Variants in PSD3 observed in about 807,000 individuals in gnomAD.
PSD3 encodes the protein PH and SEC7 domain-containing protein 3.
In PSD3, 49 loss-of-function variants were observed where a neutral mutation model predicts 105.5. The ratio of observed to expected loss-of-function variants is 0.46; its 90% CI spans 0.37 to 0.59. PSD3 has a LOEUF of 0.59. Among genes scored for constraint, PSD3 ranks in the 20% least tolerant of loss-of-function variants. The pLI is 0.00. For synonymous variants in PSD3, 557 were observed against 457.8 expected (o/e 1.22, Z -2.77); for missense variants, 1,561 against 1,263.8 (o/e 1.24, Z -3.57).
intron 4 of PSD3, among the ~76,000 whole-genome samples, chr8:18,844,762 G>A (rs1217471302): frequency 6.6e-6 from 1 of 152,198 alleles, no homozygotes; most frequent in Non-Finnish European, 1.5e-5. Flanking sequence ...TGTTCACTTA[G>A]CAGGGCTCCT....
intron 15 of PSD3, 24 bp from the exon 16 acceptor site, chr8:18,535,982 C>A (rs371743651): frequency 1.3e-4 from 216 of 1,601,212 alleles, no homozygotes; most frequent in Admixed American, 6.7e-5. Flanking sequence ...CAGAGAACAA[C>A]GGTAGTCAGA....
intron 10 of PSD3, among the ~76,000 whole-genome samples, chr8:18,642,127 A>T (rs962157599): frequency 6.6e-6 from 1 of 152,154 alleles, no homozygotes; most frequent in African/African-American, 2.4e-5. Flanking sequence ...TTTCTAAATA[A>T]AGGATCTGAC....
upstream of PSD3, among the ~76,000 whole-genome samples, chr8:19,017,204 C>A (rs1483094330): frequency 6.6e-6 from 1 of 151,914 alleles, no homozygotes; most frequent in Non-Finnish European, 1.5e-5. Context: ...AGGCACACAC[C>A]ACCAGACCCA....
intron 15 of PSD3, among the ~76,000 whole-genome samples, chr8:18,538,693 C>G (rs961196466): frequency 1.4e-4 from 21 of 152,174 alleles, no homozygotes; most frequent in Non-Finnish European, 2.4e-4. Flanking sequence ...ATGATAGGGA[C>G]AGTTTTCCAG....
At chr8:18,784,288 A>T (rs1169642610) in intron 8 of PSD3, among the ~76,000 whole-genome samples, 2 of 152,098 alleles carry the variant, frequency 1.3e-5, no homozygotes, top group African/African-American at 4.8e-5. Context: ...TCTCCCTCCA[A>T]TTCTGTCCAT....
intron 9 of PSD3, among the ~76,000 whole-genome samples, chr8:18,690,512 T>G (rs1036783402): frequency 2.6e-5 from 4 of 152,174 alleles, no homozygotes; most frequent in Non-Finnish European, 5.9e-5. Flanking sequence ...CCCCAGCAGA[T>G]GGTGGCAGCC....
At chr8:18,753,230 C>T (rs1410439650) in intron 9 of PSD3, among the ~76,000 whole-genome samples, 1 of 151,852 alleles carries the variant, frequency 6.6e-6, no homozygotes, top group Non-Finnish European at 1.5e-5. Flanking sequence ...TAGCGTGCGC[C>T]TTAGTCCCAG....
chr8:18,785,757 G>A (rs1308919670), intron 8 of PSD3, among the ~76,000 whole-genome samples: 1 of 152,078 alleles, frequency 6.6e-6, no homozygotes, highest in Non-Finnish European at 1.5e-5. Flanking sequence ...CCTTTCACTT[G>A]AACACTTAGA....
intron 9 of PSD3, among the ~76,000 whole-genome samples, chr8:18,667,953 A>G (rs895844456): frequency 6.6e-6 from 1 of 152,220 alleles, no homozygotes; most frequent in East Asian, 1.9e-4. Context: ...GCCCGAGGCC[A>G]GCGGCACCGG....
chr8:18,779,587 C>T (rs1808420181), intron 8 of PSD3, among the ~76,000 whole-genome samples: 1 of 152,078 alleles, frequency 6.6e-6, no homozygotes, highest in Admixed American at 6.6e-5. Context: ...TGCTATTAAA[C>T]ATCCTTTTAT....
chr8:18,841,750 C>G (rs1814646137), intron 4 of PSD3, among the ~76,000 whole-genome samples: 1 of 152,156 alleles, frequency 6.6e-6, no homozygotes. Flanking sequence ...TTCAGGAAGT[C>G]TCTGAAAGAC....
intron 10 of PSD3, among the ~76,000 whole-genome samples, chr8:18,636,251 T>C (rs60484169): frequency 0.027 from 3,879 of 144,656 alleles, 166 homozygotes; most frequent in African/African-American, 0.094. Context: ...TAAAGTCCCA[T>C]GTGTTCTAAT....
chr8:18,774,847 C>G (rs1480635061), intron 8 of PSD3: 2 of 455,828 alleles, frequency 4.4e-6, no homozygotes, highest in Non-Finnish European at 8.8e-6. Flanking sequence ...GGTCTACCTT[C>G]AGGTTGTCCA....
At chr8:18,924,015 C>T (rs1821202868) in intron 2 of PSD3, among the ~76,000 whole-genome samples, 1 of 151,522 alleles carries the variant, frequency 6.6e-6, no homozygotes, top group Non-Finnish European at 1.5e-5. Flanking sequence ...GTATGCTCTC[C>T]TGGTTGATTT....
intron 4 of PSD3, among the ~76,000 whole-genome samples, chr8:18,841,268 G>A (rs372305902): frequency 1.1e-4 from 16 of 152,100 alleles, no homozygotes; most frequent in African/African-American, 3.1e-4. Flanking sequence ...CTCAGGCACT[G>A]CGTGGAAAAA....
chr8:19,056,008 T>C (rs1828698246), intron 1 of PSD3, among the ~76,000 whole-genome samples: 1 of 152,236 alleles, frequency 6.6e-6, no homozygotes, highest in African/African-American at 2.4e-5. Flanking sequence ...AACATAACTC[T>C]ATTATCTTGA....
intron 4 of PSD3, among the ~76,000 whole-genome samples, chr8:18,805,336 A>C (rs1291606173): frequency 6.6e-6 from 1 of 152,228 alleles, no homozygotes; most frequent in East Asian, 1.9e-4. Context: ...AATTTCTTTA[A>C]CAGCTGGCTT....
chr8:18,840,806 G>A (rs892085006), intron 4 of PSD3, among the ~76,000 whole-genome samples: 2 of 152,098 alleles, frequency 1.3e-5, no homozygotes, highest in African/African-American at 4.8e-5. Flanking sequence ...GATTGGAGAG[G>A]CACATGATGA....
At chr8:18,976,979 TG>T (rs1824975705) in intron 1 of PSD3, among the ~76,000 whole-genome samples, 1 of 152,182 alleles carries the variant, frequency 6.6e-6, no homozygotes, top group Non-Finnish European at 1.5e-5. Context: ...GAAAGACTAT[TG>T]TTTGACTTTG....
Sources: allele counts gnomAD v4.1 joint callset (sites outside exome capture counted in the v4.1 genomes callset), GRCh38; gene constraint gnomAD v4.1.1; transcripts MANE v1.5; gene names NCBI Gene and HGNC (gene_info 2026-07-23, HGNC 2026-07-21).